The following MAN1C1 variants were observed in gnomAD, a reference collection of about 807,000 sequenced individuals.
MAN1C1 encodes mannosidase alpha class 1C member 1.
A neutral mutation model predicts 71.5 loss-of-function variants in MAN1C1; 49 were observed. The ratio of observed to expected loss-of-function variants is 0.69; its 90% CI spans 0.54 to 0.87. MAN1C1 has a LOEUF of 0.87. MAN1C1 is among the 40% of genes least tolerant of loss of function. The pLI, the probability that MAN1C1 is intolerant of heterozygous loss-of-function variation, is 0.00. For missense variants in MAN1C1, 743 were observed against 835.0 expected, an observed-to-expected ratio of 0.89 and a Z score of 1.36; for synonymous variants, 352 against 343.7, an observed-to-expected ratio of 1.02 and a Z score of -0.27.
At position 25,769,105 on chromosome 1, in the gene MAN1C1, CCACA is replaced by C. The variant is rs1371497137; in HGVS notation, c.1142-2544_1142-2541del. ...ACACACCTATCACCCACACTCCCTC[CCACA>C]CACACACCACACACTCCCTTCACAC... On this transcript the variant is annotated intron_variant, in intron 7 of 11. Coordinates refer to ENST00000374332, the MANE Select transcript of MAN1C1 (RefSeq NM_020379.4). This position sits in a 1 kb window ranked among gnomAD's most constrained non-coding sequence, Gnocchi z 4.8. 1.4e-5 allele frequency among the ~76,000 whole-genome samples: 2 copies of C among 146,330 alleles called. No individual in the cohort carries two copies. Among genetic ancestry groups the C allele is most frequent in the African/African-American group, 2.5e-5 (1 of 39,640 alleles).
chr1:25,684,904 G>T (rs967224344), intron 1 of MAN1C1, among the ~76,000 whole-genome samples: 2 of 152,352 alleles, frequency 1.3e-5, no homozygotes, highest in Middle Eastern at 3.4e-3. Context: ...CAGCACAGGG[G>T]AACTGGTAGA....
At chr1:25,627,269 C>G (rs146454732) in intron 1 of MAN1C1, among the ~76,000 whole-genome samples, 78 of 150,238 alleles carry the variant, frequency 5.2e-4, no homozygotes, top group African/African-American at 1.9e-3. Flanking sequence ...CTCTTCTCTT[C>G]TCTTCTCTTG....
chr1:25,721,144 TTATATTTATTTCCA>T (rs1557779067), intron 2 of MAN1C1, among the ~76,000 whole-genome samples: 1 of 152,148 alleles, frequency 6.6e-6, no homozygotes, highest in Non-Finnish European at 1.5e-5. Context: ...TCTGGGTCCC[TTATATTTATTTCCA>T]TATGAATTTT....
rs576324662 is a variant in MAN1C1 at position 25,631,539 on chromosome 1, T to A, written c.540+13202T>A. On this transcript the variant is annotated intron_variant, in intron 1 of 11. Transcript: ENST00000374332. This position sits in a 1 kb window ranked among gnomAD's most constrained non-coding sequence, Gnocchi z 4.2. ...TGTTTTTAATTCTGTTTATGTGATA[T>A]ATGACATTTATTGACTTGTATATGT... Among the ~76,000 whole-genome samples the A allele has an allele frequency of 2.6e-5, 4 of 152,328 alleles. No individual in the cohort carries two copies. The highest frequency in any genetic ancestry group is 3.9e-4 in the East Asian group (2 of 5,186).
At chr1:25,777,979 G>T in intron 8 of MAN1C1, 126 bp from the exon 9 acceptor site, 1 of 705,230 alleles carries the variant, frequency 1.4e-6, no homozygotes. Context: ...TCCTTTGCCT[G>T]GGATGGAGGG....
chr1:25,720,678 G>C (rs1364138047), intron 2 of MAN1C1, among the ~76,000 whole-genome samples: 1 of 152,200 alleles, frequency 6.6e-6, no homozygotes, highest in Non-Finnish European at 1.5e-5. Flanking sequence ...TTTTTAGTTT[G>C]ATGTAGTCCA....
intron 2 of MAN1C1, among the ~76,000 whole-genome samples, chr1:25,698,930 A>C (rs888663259): frequency 7.5e-4 from 114 of 151,134 alleles, no homozygotes; most frequent in Non-Finnish European, 1.1e-3. Flanking sequence ...CCTGGGAGAC[A>C]GAGCAAGACT....
At chr1:25,756,459 T>TA (rs1013664252) in intron 5 of MAN1C1, among the ~76,000 whole-genome samples, 9 of 101,878 alleles carry the variant, frequency 8.8e-5, no homozygotes, top group Non-Finnish European at 2.5e-5. Flanking sequence ...GAGGCCCATG[T>TA]GGGGGAAAAG....
In MAN1C1 at chr1:25,686,483, G is replaced by C. The variant is rs781399896; in HGVS notation, c.584G>C (p.Gly195Ala). 1 of 1,614,216 alleles carries C rather than the reference G, an allele frequency of 6.2e-7. No homozygotes were observed. The highest frequency in any genetic ancestry group is 2.2e-5 in the East Asian group (1 of 44,888). ...CAGAGCTATAAGCGTTATGCAATGG[G>C]GAAAAACGAACTCCGTCCACTAACA... ...AWQSYKRYAM[G>A]KNELRPLTKD... is the part of the protein sequence containing the mutation. The change falls in exon 2 of 12, where the codon GGG becomes GCG. Residue 195 changes from glycine (G) to alanine (A), a missense_variant. By Grantham distance (60) the Gly-to-Ala change is moderately conservative. Coordinates refer to ENST00000374332, the MANE Select transcript of MAN1C1 (RefSeq NM_020379.4).
At chr1:25,729,164 G>T (rs1231513891) in intron 2 of MAN1C1, among the ~76,000 whole-genome samples, 1 of 152,206 alleles carries the variant, frequency 6.6e-6, no homozygotes, top group Non-Finnish European at 1.5e-5. Flanking sequence ...GGCTCCAGCT[G>T]ACTGGCCACA....
intron 1 of MAN1C1, among the ~76,000 whole-genome samples, chr1:25,685,055 T>C (rs898174216): frequency 3.3e-5 from 5 of 151,816 alleles, no homozygotes; most frequent in African/African-American, 1.2e-4. Flanking sequence ...AAAGGAGGGG[T>C]GGATAGATGA....
intron 2 of MAN1C1, among the ~76,000 whole-genome samples, chr1:25,704,173 C>T (rs1392446182): frequency 2.6e-5 from 4 of 152,252 alleles, no homozygotes; most frequent in Non-Finnish European, 5.9e-5. Flanking sequence ...AGAACAGCCT[C>T]TTTCTAGCCA....
At chr1:25,729,786 A>G (rs2046885273) in intron 2 of MAN1C1, among the ~76,000 whole-genome samples, 1 of 152,052 alleles carries the variant, frequency 6.6e-6, no homozygotes, top group South Asian at 2.1e-4. Context: ...TTGGGATTAC[A>G]GGCATGAGCC....
chr1:25,767,799 A>ACTCCCTTCACGTACATCCACACT (rs2047462970), intron 7 of MAN1C1, among the ~76,000 whole-genome samples: 1 of 110,016 alleles, frequency 9.1e-6, no homozygotes, highest in Non-Finnish European at 1.8e-5. Flanking sequence ...CGCATTACAC[A>ACTCCCTTCACGTACATCCACACT]CTCCCCTCAC....
At chr1:25,668,838 G>A (rs2045958635) in intron 1 of MAN1C1, among the ~76,000 whole-genome samples, 1 of 152,166 alleles carries the variant, frequency 6.6e-6, no homozygotes, top group Non-Finnish European at 1.5e-5. Flanking sequence ...GATTACAGGC[G>A]TGAGCCACCG....
At chr1:25,683,507 A>G (rs1211545102) in intron 1 of MAN1C1, among the ~76,000 whole-genome samples, 1 of 152,176 alleles carries the variant, frequency 6.6e-6, no homozygotes, top group Non-Finnish European at 1.5e-5. Context: ...GGGTCTGACC[A>G]AATAGTTGCA....
chr1:25,746,483 C>T lies in MAN1C1; in HGVS notation c.638-185C>T, dbSNP rs375478005. On this transcript the variant is annotated intron_variant, in intron 2 of 11. Coordinates refer to ENST00000374332, the MANE Select transcript of MAN1C1 (RefSeq NM_020379.4). This position sits in a 1 kb window ranked among gnomAD's most constrained non-coding sequence, Gnocchi z 4.0. ...GCCTTGAGGAGGAAGCAGCCCATGG[C>T]GGGGACTCTGGGTCTCGGCGTCACC... is the stretch of plus-strand genomic sequence containing the variant. Among the ~76,000 whole-genome samples the T allele has an allele frequency of 3.3e-5, 5 of 152,150 alleles. No individual in the cohort carries two copies. The highest frequency in any genetic ancestry group is 5.9e-5 in the Non-Finnish European group (4 of 68,032).
intron 2 of MAN1C1, among the ~76,000 whole-genome samples, chr1:25,729,734 T>C (rs1468650521): frequency 6.6e-6 from 1 of 152,016 alleles, no homozygotes; most frequent in Non-Finnish European, 1.5e-5. Context: ...ATAGTCTCCA[T>C]CTCTTGACCT....
chr1:25,750,646 A>G (rs1442782533), intron 4 of MAN1C1, among the ~76,000 whole-genome samples: 1 of 152,196 alleles, frequency 6.6e-6, no homozygotes, highest in African/African-American at 2.4e-5. Flanking sequence ...GCCTCTCTCC[A>G]TCGAGCATAA....
Sources: allele counts gnomAD v4.1 joint callset (sites outside exome capture counted in the v4.1 genomes callset), GRCh38; gene constraint gnomAD v4.1.1; non-coding constraint Gnocchi (gnomAD v3.1); transcripts MANE v1.5; gene names NCBI Gene and HGNC (gene_info 2026-07-23, HGNC 2026-07-21).